The following TBCA variants were observed in gnomAD, a reference collection of about 807,000 sequenced individuals.
TBCA encodes the protein tubulin folding cofactor A, also known as tubulin-specific chaperone A.
A neutral mutation model predicts 15.8 loss-of-function variants in TBCA; 6 were observed. The ratio of observed to expected loss-of-function variants is 0.38; its 90% CI spans 0.21 to 0.75. TBCA has a LOEUF of 0.75. TBCA is among the 30% of genes least tolerant of loss of function. The pLI, the probability that TBCA is intolerant of heterozygous loss-of-function variation, is 0.46. For missense variants in TBCA, 90 were observed against 131.2 expected, an observed-to-expected ratio of 0.69 and a Z score of 1.53; for synonymous variants, 32 against 42.3, an observed-to-expected ratio of 0.76 and a Z score of 0.94.
At chr5:77,723,719 T>C (rs1401988409) in intron 1 of TBCA, among the ~76,000 whole-genome samples, 1 of 152,028 alleles carries the variant, frequency 6.6e-6, no homozygotes, top group African/African-American at 2.4e-5. Flanking sequence ...AAATCACTCA[T>C]TTATGTTATA....
Position 77,737,237 on chromosome 5 carries a change from A to C in TBCA, c.54-28890T>G, listed in dbSNP as rs541099017. Among the ~76,000 whole-genome samples the C allele has an allele frequency of 3.3e-5, 5 of 152,258 alleles. No individual in the cohort carries two copies. In the South Asian group the frequency reaches 1.0e-3, roughly 32 times the overall value. On this transcript the variant is annotated intron_variant, in intron 1 of 3. Transcript: ENST00000380377. ...ATGTGATAATGTTTGTGGATCTTAG[A>C]CTGAAATTATGAACCAAAGCTTTTG...
intron 1 of TBCA, among the ~76,000 whole-genome samples, chr5:77,733,374 A>C (rs1200014496): frequency 6.6e-6 from 1 of 152,256 alleles, no homozygotes; most frequent in African/African-American, 2.4e-5. Flanking sequence ...TGTGCCAAAC[A>C]GTTAACCAAG....
intron 2 of TBCA, among the ~76,000 whole-genome samples, chr5:77,695,866 T>G (rs1411824826): frequency 6.6e-6 from 1 of 152,184 alleles, no homozygotes; most frequent in African/African-American, 2.4e-5. Context: ...TACTCACTGA[T>G]GTCTAATTGT....
At chr5:77,731,291 T>C (rs1746762177) in intron 1 of TBCA, among the ~76,000 whole-genome samples, 1 of 152,222 alleles carries the variant, frequency 6.6e-6, no homozygotes, top group Non-Finnish European at 1.5e-5. Flanking sequence ...AGGTACAATA[T>C]AGTTATTATC....
intron 2 of TBCA, among the ~76,000 whole-genome samples, chr5:77,705,134 TA>T (rs1452093351): frequency 6.6e-6 from 1 of 152,214 alleles, no homozygotes; most frequent in Non-Finnish European, 1.5e-5. Flanking sequence ...TACATAACTA[TA>T]AATGAAATAA....
chr5:77,772,353 T>G (rs773189574), intron 1 of TBCA, among the ~76,000 whole-genome samples: 1 of 152,160 alleles, frequency 6.6e-6, no homozygotes, highest in African/African-American at 2.4e-5. Flanking sequence ...TTTTTAAAAA[T>G]AGGTTGCAGG....
chr5:77,726,359 T>A (rs1054295828), intron 1 of TBCA, among the ~76,000 whole-genome samples: 5 of 152,340 alleles, frequency 3.3e-5, no homozygotes, highest in South Asian at 4.1e-4. Flanking sequence ...TTCGTTGAAT[T>A]CTATTTCAGT....
intron 1 of TBCA, among the ~76,000 whole-genome samples, chr5:77,725,338 T>A (rs569204070): frequency 6.6e-6 from 1 of 152,358 alleles, no homozygotes; most frequent in Admixed American, 6.5e-5. Context: ...CTAAGATTAA[T>A]TGATCATCAA....
At chr5:77,744,988 T>C (rs904874836) in intron 1 of TBCA, among the ~76,000 whole-genome samples, 1 of 152,228 alleles carries the variant, frequency 6.6e-6, no homozygotes, top group Admixed American at 6.5e-5. Context: ...TTACTTAAAC[T>C]AAATTTCTTC....
chr5:77,719,843 G>C (rs1172735373), intron 1 of TBCA, among the ~76,000 whole-genome samples: 1 of 152,044 alleles, frequency 6.6e-6, no homozygotes, highest in Non-Finnish European at 1.5e-5. Flanking sequence ...AGATTAAAAA[G>C]TGCATACTAC....
At chr5:77,754,828 A>G (rs1054130575) in intron 1 of TBCA, among the ~76,000 whole-genome samples, 3 of 152,238 alleles carry the variant, frequency 2.0e-5, no homozygotes, top group African/African-American at 7.2e-5. Flanking sequence ...AAATGCTGAC[A>G]ATTCTTAAGA....
chr5:77,711,565 G>A (rs1360379605), intron 1 of TBCA, among the ~76,000 whole-genome samples: 1 of 152,062 alleles, frequency 6.6e-6, no homozygotes, highest in Admixed American at 6.6e-5. Flanking sequence ...TCTCACTACT[G>A]TCTTTTAACA....
chr5:77,711,658 G>C (rs1746280619), intron 1 of TBCA, among the ~76,000 whole-genome samples: 1 of 152,054 alleles, frequency 6.6e-6, no homozygotes, highest in Non-Finnish European at 1.5e-5. Flanking sequence ...TGAGCAATAA[G>C]AACAACATGG....
chr5:77,768,505 T>C (rs1747836270), intron 1 of TBCA, among the ~76,000 whole-genome samples: 1 of 152,234 alleles, frequency 6.6e-6, no homozygotes, highest in Non-Finnish European at 1.5e-5. Flanking sequence ...AAGAATATAG[T>C]AACTATTATG....
At chr5:77,749,736 C>A (rs1747273508) in intron 1 of TBCA, among the ~76,000 whole-genome samples, 1 of 152,126 alleles carries the variant, frequency 6.6e-6, no homozygotes, top group Non-Finnish European at 1.5e-5. Flanking sequence ...GATAAATCTG[C>A]CAATTTGTAA....
chr5:77,733,795 G>A lies in TBCA; in HGVS notation c.54-25448C>T, dbSNP rs537485075. Among the ~76,000 whole-genome samples, 3 of 152,308 alleles carry A rather than the reference G, an allele frequency of 2.0e-5. No individual in the cohort carries two copies. The East Asian group carries it at 5.8e-4, about 29-fold the overall frequency. ...GAACAACAGATTTTTCAACATGAAC[G>A]AAACAGCTTTCTGTTGGAAGAAAAT... is the stretch of plus-strand genomic sequence containing the variant. On this transcript the variant is annotated intron_variant, in intron 1 of 3. Coordinates refer to ENST00000380377, the MANE Select transcript of TBCA (RefSeq NM_004607.3).
chr5:77,733,669 A>G (rs1207758667), intron 1 of TBCA, among the ~76,000 whole-genome samples: 1 of 152,264 alleles, frequency 6.6e-6, no homozygotes, highest in East Asian at 1.9e-4. Flanking sequence ...AGACATCTCC[A>G]TAACATCAAA....
At chr5:77,696,372 T>C (rs1007910516) in intron 2 of TBCA, among the ~76,000 whole-genome samples, 19 of 152,188 alleles carry the variant, frequency 1.2e-4, no homozygotes, top group African/African-American at 4.3e-4. Flanking sequence ...TCTATCTGAC[T>C]TGTATTTTGT....
At chr5:77,726,143 C>T (rs1215681500) in intron 1 of TBCA, among the ~76,000 whole-genome samples, 1 of 152,154 alleles carries the variant, frequency 6.6e-6, no homozygotes, top group Non-Finnish European at 1.5e-5. Context: ...TAAGGGTATC[C>T]GCTGTGTAAG....
Sources: gnomAD v4.1 joint callset for allele counts (sites outside exome capture counted in the v4.1 genomes callset) on GRCh38, gnomAD v4.1.1 for gene constraint, MANE v1.5 for transcripts, NCBI Gene and HGNC (gene_info 2026-07-23, HGNC 2026-07-21) for gene names.